SIRT3: variants seen among roughly 807,000 people sequenced by gnomAD.
SIRT3 encodes NAD-dependent protein deacetylase sirtuin-3, mitochondrial.
A neutral mutation model predicts 33.5 loss-of-function variants in SIRT3; 26 were observed. That is an observed-to-expected ratio of 0.78 (90% CI 0.57 to 1.08). The LOEUF (loss-of-function observed/expected upper bound fraction) is 1.08, where lower values mean the gene tolerates loss of function less well. SIRT3 is among the 50% of genes least tolerant of loss of function. SIRT3 has a pLI of 0.00. For missense variants in SIRT3, 585 were observed against 530.1 expected (o/e 1.10, Z -1.02); for synonymous variants, 237 against 222.1 (o/e 1.07, Z -0.60).
In SIRT3 at chr11:223,420, C is replaced by T. The variant is rs1482866326; in HGVS notation, c.969+658G>A. The T allele has an allele frequency of 3.7e-5, 9 of 242,810 alleles. No individual in the cohort carries two copies. The highest frequency in any genetic ancestry group is 3.4e-4 in the East Asian group (3 of 8,852). 15.0% of individuals were successfully genotyped at this position (242,810 alleles called of 1,614,324 possible). Reference sequence around the variant, plus strand: ...GTCCCCCTCCTCGCCATCCCTCAGGCGACCACAGCTCCACCTTCTCCAGGA... The same window carrying T: ...GTCCCCCTCCTCGCCATCCCTCAGGTGACCACAGCTCCACCTTCTCCAGGA... On this transcript the variant is annotated intron_variant, in intron 5 of 6. Transcript: ENST00000382743. The surrounding 1 kb of genome is among the most constrained non-coding windows in gnomAD (Gnocchi z 4.8).
At chr11:220,158 C>T (rs1379945229) in intron 5 of SIRT3, among the ~76,000 whole-genome samples, 2 of 151,840 alleles carry the variant, frequency 1.3e-5, no homozygotes, top group African/African-American at 2.4e-5. Flanking sequence ...AGTGAAACCA[C>T]GTCTCTACTA....
chr11:226,664 T>A (rs1438512292), intron 4 of SIRT3, among the ~76,000 whole-genome samples: 8 of 151,942 alleles, frequency 5.3e-5, no homozygotes, highest in Admixed American at 5.3e-4. Flanking sequence ...CGCCTCAGCT[T>A]CCCAAAGTAC....
At chr11:227,956 A>G (rs1025582713) in intron 4 of SIRT3, among the ~76,000 whole-genome samples, 1 of 152,144 alleles carries the variant, frequency 6.6e-6, no homozygotes, top group African/African-American at 2.4e-5. Context: ...ATCCCTTCAC[A>G]TCATTTTCCT....
intron 4 of SIRT3, 114 bp from the exon 5 acceptor site, chr11:224,353 G>C: frequency 8.5e-7 from 1 of 1,172,486 alleles, no homozygotes; most frequent in Non-Finnish European, 1.2e-6. Context: ...AGGTGAGAGA[G>C]GGATCATGAA....
chr11:218,693 T>C, intron 6 of SIRT3, 139 bp downstream of exon 6: 1 of 1,452,108 alleles, frequency 6.9e-7, no homozygotes, highest in Non-Finnish European at 9.2e-7. Flanking sequence ...CAGGTCCAGG[T>C]AGTGCCTGGT....
In SIRT3 at chr11:230,473, G is replaced by A; in HGVS notation, c.786C>T (p.Pro262=). ...ASATCTVCQR[P]FPGEDIRADV... ...TCACCCGAATGTCCTCCCCTGGGAA[G>A]GGTCTTTGGCAGACTGTGCAGGTGG... Residue 262 remains proline, a synonymous_variant, in exon 4 of 7, where the codon CCC becomes CCT. Coordinates refer to ENST00000382743, the MANE Select transcript of SIRT3 (RefSeq NM_012239.6). The A allele has an allele frequency of 1.3e-6, 2 of 1,503,054 alleles. No individual in the cohort carries two copies. The highest frequency in any genetic ancestry group is 1.8e-6 in the Non-Finnish European group (2 of 1,122,536). The allele number at this position is 1,503,054 out of a possible 1,614,324, so 93.1% of individuals were successfully genotyped here. A position where few individuals can be genotyped will look rare whatever the true frequency, so the allele number is the denominator to read the frequency against.
At chr11:220,213 C>G (rs563874348) in intron 5 of SIRT3, among the ~76,000 whole-genome samples, 4 of 151,340 alleles carry the variant, frequency 2.6e-5, no homozygotes, top group African/African-American at 9.7e-5. Context: ...ACCTATAATC[C>G]GAGCTACTCG....
At chr11:233,627 C>G (rs1858432629) in intron 1 of SIRT3, 93 bp from the exon 2 acceptor site, 2 of 1,220,968 alleles carry the variant, frequency 1.6e-6, no homozygotes, top group South Asian at 2.8e-5. Flanking sequence ...GCACCACCGC[C>G]ACCCTCGAGA....
chr11:233,688 C>T (rs1858442550), intron 1 of SIRT3, 154 bp from the exon 2 acceptor site: 1 of 689,682 alleles, frequency 1.4e-6, no homozygotes, highest in Non-Finnish European at 2.4e-6. Context: ...CTTTCTTAGA[C>T]GACTATTGGG....
chr11:219,078 A>C, intron 5 of SIRT3, 37 bp from the exon 6 acceptor site: 1 of 1,571,086 alleles, frequency 6.4e-7, no homozygotes, highest in East Asian at 2.4e-5. Context: ...CACAGTGTCC[A>C]CTTTACAAGC....
intron 1 of SIRT3, among the ~76,000 whole-genome samples, chr11:235,754 C>G (rs144869851): frequency 3.9e-5 from 6 of 152,276 alleles, no homozygotes; most frequent in African/African-American, 1.4e-4. Context: ...ACTTTTGGAC[C>G]TAGCAATCCC....
In SIRT3 at chr11:216,415, G is replaced by T; in HGVS notation, c.*283C>A. The T allele has an allele frequency of 2.3e-6, 1 of 443,242 alleles. No homozygotes were observed. The highest frequency in any genetic ancestry group is 3.7e-5 in the South Asian group (1 of 26,680). The allele number at this position is 443,242 out of a possible 1,614,324, so 27.5% of individuals were successfully genotyped here. ...TCAAGAGGGTCACAGTCAGAAGAAAGCTTTTTCCATTAGGAGCTTCAGCAG... is the reference window on the plus strand; with the variant it reads ...TCAAGAGGGTCACAGTCAGAAGAAATCTTTTTCCATTAGGAGCTTCAGCAG... On this transcript the variant is annotated 3_prime_UTR_variant, in exon 7 of 7. Coordinates refer to ENST00000382743, the MANE Select transcript of SIRT3 (RefSeq NM_012239.6).
At chr11:219,224 C>T (rs893510049) in intron 5 of SIRT3, among the ~76,000 whole-genome samples, 183 bp from the exon 6 acceptor site, 1 of 152,072 alleles carries the variant, frequency 6.6e-6, no homozygotes, top group African/African-American at 2.4e-5. Flanking sequence ...GCCTCCGTGA[C>T]GGTTTTCTCC....
rs1207851708 is a variant in SIRT3, at chr11:224,059, C to T, written c.969+19G>A. On this transcript the variant is annotated intron_variant, in intron 5 of 6. Transcript: ENST00000382743. ...CCCCTGCCCTCCAGCCTCCTCCCTGCACAGGCCTGCTGACAAACCTCCAGG... is the reference window on the plus strand; with the variant it reads ...CCCCTGCCCTCCAGCCTCCTCCCTGTACAGGCCTGCTGACAAACCTCCAGG... 3 of 1,612,732 alleles carry T rather than the reference C, an allele frequency of 1.9e-6. No individual in the cohort carries two copies. Among genetic ancestry groups the T allele is most frequent in the African/African-American group, 1.3e-5 (1 of 74,920 alleles).
At chr11:233,641 A>G (rs1858435127) in intron 1 of SIRT3, 107 bp from the exon 2 acceptor site, 3 of 1,017,468 alleles carry the variant, frequency 2.9e-6, no homozygotes, top group Non-Finnish European at 4.4e-6. Flanking sequence ...CTCGAGAATG[A>G]GCATGTGTGT....
rs201701216 is a variant in SIRT3, at chr11:233,466, C to T, written c.350G>A (p.Ser117Asn). ...GASSVVGSGGSSDKGKLSLQD... is the reference protein window; with the variant it reads ...GASSVVGSGGNSDKGKLSLQD... ...CAGGGAAAGCTTCCCCTTGTCACTG[C>T]TGCCTCCACTTCCAACAACACTTGA... The change falls in exon 2 of 7, where the codon AGC becomes AAC. Residue 117 changes from serine to asparagine, a missense_variant. Ser to Asn is a conservative substitution (Grantham distance 46). Coordinates refer to ENST00000382743, the MANE Select transcript of SIRT3 (RefSeq NM_012239.6). 40 of 1,614,138 alleles carry T rather than the reference C, an allele frequency of 2.5e-5. No homozygotes were observed. Among genetic ancestry groups the T allele is most frequent in the Non-Finnish European group, 3.1e-5 (37 of 1,180,026 alleles).
rs199962887 is a variant in SIRT3 at position 218,943 on chromosome 11, G to A, written c.1068C>T (p.Arg356=). The A allele has an allele frequency of 3.7e-6, 6 of 1,614,188 alleles. No homozygotes were observed. In the African/African-American group the frequency reaches 5.3e-5, roughly 14 times the overall value. ...DLVGPLAWHP[R]SRDVAQLGDV... ...CCCCCAGCTGGGCCACGTCCCTGCT[G>A]CGAGGATGCCAAGCCAAGGGCCCCA... The change falls in exon 6 of 7, where the codon CGC becomes CGT. Residue 356 remains arginine, a synonymous_variant. Transcript: ENST00000382743.
At chr11:229,705 G>A (rs1181804575) in intron 4 of SIRT3, among the ~76,000 whole-genome samples, 4 of 152,094 alleles carry the variant, frequency 2.6e-5, no homozygotes, top group African/African-American at 9.7e-5. Context: ...GTTGTATTGA[G>A]CCGAAATCGC....
At chr11:227,724 A>T (rs965327451) in intron 4 of SIRT3, among the ~76,000 whole-genome samples, 1 of 152,052 alleles carries the variant, frequency 6.6e-6, no homozygotes. Flanking sequence ...TCCCAGGTTC[A>T]AGCAATTCTT....
Sources: gnomAD v4.1 joint callset for allele counts (sites outside exome capture counted in the v4.1 genomes callset) on GRCh38, gnomAD v4.1.1 for gene constraint, Gnocchi (gnomAD v3.1) non-coding constraint, MANE v1.5 for transcripts, NCBI Gene and HGNC (gene_info 2026-07-23, HGNC 2026-07-21) for gene names.